TNK2: variants seen among roughly 807,000 people sequenced by gnomAD.
TNK2 encodes tyrosine kinase non receptor 2.
Under a neutral mutation model 101.8 loss-of-function variants are expected in TNK2, and 83 were observed. That is an observed-to-expected ratio of 0.82 (90% CI 0.68 to 0.98). TNK2 has a LOEUF of 0.98. Among genes scored for constraint, TNK2 ranks in the 50% least tolerant of loss-of-function variants. The probability of loss-of-function intolerance (pLI) is 0.00; values close to 1 mark genes in which losing one functional copy is unlikely to be tolerated. For synonymous variants in TNK2, 804 were observed against 633.0 expected, an observed-to-expected ratio of 1.27 and a Z score of -4.06; for missense variants, 1,665 against 1,483.2, an observed-to-expected ratio of 1.12 and a Z score of -2.01.
In TNK2 at chr3:195,864,154, C is replaced by T. The variant is rs922865457; in HGVS notation, c.*27G>A. ...GACAGGCTCAGGTGATTCCTTCAGG[C>T]AGGCCCTCTGGCTCTCCAGACGCAT... is the stretch of plus-strand genomic sequence containing the variant. On this transcript the variant is annotated 3_prime_UTR_variant, in exon 16 of 16. Transcript: ENST00000672887. 23 of 1,613,964 alleles carry T rather than the reference C, an allele frequency of 1.4e-5. No individual in the cohort carries two copies. The highest frequency in any genetic ancestry group is 6.8e-6 in the Non-Finnish European group (8 of 1,179,884).
chr3:195,902,692 G>T (rs1761338923), intron 1 of TNK2, among the ~76,000 whole-genome samples: 2 of 145,178 alleles, frequency 1.4e-5, no homozygotes, highest in African/African-American at 5.1e-5. Context: ...ATAAAAGAGA[G>T]CTTTTTGCAA....
At position 195,867,515 on chromosome 3, in the gene TNK2, G is replaced by A. The variant is rs1468955097; in HGVS notation, c.2783C>T (p.Pro928Leu). ...GGCCTTGGGGTCCAAGGCAGCCTGG[G>A]GCATCGGCCGCACGGTGGCCGTGGG... The part of the protein sequence containing the change: ...AAPTATVRPM[P>L]QAALDPKANF... Residue 928 changes from proline to leucine, a missense_variant, in exon 13 of 16, where the codon CCC becomes CTC. Around this residue, in one of 3 missense-constraint regions of TNK2, gnomAD observed 1,136 missense variants for 894.9 expected, o/e 1.27. Coordinates refer to ENST00000672887, the MANE Select transcript of TNK2 (RefSeq NM_001382273.1). The A allele has an allele frequency of 6.4e-7, 1 of 1,555,202 alleles. No homozygotes were observed. Among genetic ancestry groups the A allele is most frequent in the Non-Finnish European group, 8.6e-7 (1 of 1,158,784 alleles).
In TNK2 at chr3:195,878,425, C is replaced by T; in HGVS notation, c.1161+21G>A. 6.2e-7 allele frequency: 1 copy of T among 1,613,940 alleles called. No individual in the cohort carries two copies. Among genetic ancestry groups the T allele is most frequent in the Non-Finnish European group, 8.5e-7 (1 of 1,179,954 alleles). On this transcript the variant is annotated intron_variant, in intron 8 of 15. Coordinates refer to ENST00000672887, the MANE Select transcript of TNK2 (RefSeq NM_001382273.1). The surrounding 1 kb of genome is among the most constrained non-coding windows in gnomAD (Gnocchi z 4.7). ...CCTCAGCTTGAACACCCCAGCTCTC[C>T]TGGGCTGACCTGTCCCTCACCTCCA... is the stretch of plus-strand genomic sequence containing the variant.
Position 195,888,639 on chromosome 3 carries a change from TTG to T in TNK2, c.-18-35_-18-34del. ...GGGAGGAGTGGCTCAGGGACAAGGG[TTG>T]TGGGGGGACAACAGGGGCCTGCCCG... is the stretch of plus-strand genomic sequence containing the variant. On this transcript the variant is annotated intron_variant, in intron 1 of 15. Coordinates refer to ENST00000672887, the MANE Select transcript of TNK2 (RefSeq NM_001382273.1). The surrounding 1 kb of genome is among the most constrained non-coding windows in gnomAD (Gnocchi z 5.3). The T allele has an allele frequency of 6.3e-7, 1 of 1,580,226 alleles. No homozygotes were observed. Among genetic ancestry groups the T allele is most frequent in the Non-Finnish European group, 8.6e-7 (1 of 1,163,272 alleles).
At position 195,888,289 on chromosome 3, in the gene TNK2, G is replaced by A. The variant is rs112323386; in HGVS notation, c.163+137C>T. On this transcript the variant is annotated intron_variant, in intron 2 of 15. Transcript: ENST00000672887. The surrounding 1 kb of genome is among the most constrained non-coding windows in gnomAD (Gnocchi z 5.3). ...TGCCAACTGTTCTCATCACACATCA[G>A]CACCTACTGATGTCCCTCCTGCTCC... 3.4e-5 allele frequency: 30 copies of A among 876,124 alleles called. No homozygotes were observed. The highest frequency in any genetic ancestry group is 3.4e-4 in the African/African-American group (20 of 58,996). 54.3% of individuals were successfully genotyped at this position (876,124 alleles called of 1,614,324 possible).
In TNK2 at chr3:195,885,293, C is replaced by A; in HGVS notation, c.235-260G>T. 2.3e-6 allele frequency: 3 copies of A among 1,283,472 alleles called. No homozygotes were observed. The highest frequency in any genetic ancestry group is 3.1e-6 in the Non-Finnish European group (3 of 967,844). The allele number at this position is 1,283,472 out of a possible 1,614,324, so 79.5% of individuals were successfully genotyped here. On this transcript the variant is annotated intron_variant, in intron 3 of 15. Coordinates refer to ENST00000672887, the MANE Select transcript of TNK2 (RefSeq NM_001382273.1). This position sits in a 1 kb window ranked among gnomAD's most constrained non-coding sequence, Gnocchi z 4.7. ...GACAGGCATGCAGCCTGTGGCTGAGCGGCCCCACACCCAGCTGTGTGGAGA... is the reference window on the plus strand; with the variant it reads ...GACAGGCATGCAGCCTGTGGCTGAGAGGCCCCACACCCAGCTGTGTGGAGA...
At chr3:195,895,989 C>A (rs1369806860) in intron 1 of TNK2, 2 of 343,478 alleles carry the variant, frequency 5.8e-6, no homozygotes, top group Non-Finnish European at 5.6e-6. Context: ...GAGGCCCCCG[C>A]GGCCGGTTCC....
In TNK2 at chr3:195,868,700, T is replaced by C. The variant is rs1234330136; in HGVS notation, c.1598A>G (p.Tyr533Cys). ...GTCTTGGTCCTCGCTCACAGGGTCATAGGTTGGTTCTGTGATGGAAAGGGA... is the reference window on the plus strand; with the variant it reads ...GTCTTGGTCCTCGCTCACAGGGTCACAGGTTGGTTCTGTGATGGAAAGGGA... ...QPAFFTQKPT[Y>C]DPVSEDQDPL... The change falls in exon 13 of 16, where the codon TAT (tyrosine) becomes TGT (cysteine). Residue 533 changes from tyrosine to cysteine, a missense_variant. Physicochemically the swap from Tyr to Cys is radical, Grantham distance 194. Around this residue, in one of 3 missense-constraint regions of TNK2, gnomAD observed 1,136 missense variants for 894.9 expected, o/e 1.27. Transcript: ENST00000672887. 1.3e-6 allele frequency: 2 copies of C among 1,575,248 alleles called. No individual in the cohort carries two copies. The highest frequency in any genetic ancestry group is 1.7e-6 in the Non-Finnish European group (2 of 1,170,404).
chr3:195,892,617 G>A (rs1759037537), intron 1 of TNK2: 2 of 1,450,294 alleles, frequency 1.4e-6, no homozygotes, highest in South Asian at 2.8e-5. Context: ...AACGGGGTGG[G>A]CCCCTCCGCT....
At position 195,886,910 on chromosome 3, in the gene TNK2, G is replaced by T; in HGVS notation, c.234+67C>A. ...CCGGGGAGCTGGGGAAGGTTCCCAGGACCAGAAGCGGAGGGGGGCGTTCGA... is the reference window on the plus strand; with the variant it reads ...CCGGGGAGCTGGGGAAGGTTCCCAGTACCAGAAGCGGAGGGGGGCGTTCGA... On this transcript the variant is annotated intron_variant, in intron 3 of 15. Transcript: ENST00000672887. This position sits in a 1 kb window ranked among gnomAD's most constrained non-coding sequence, Gnocchi z 4.2. 6.4e-7 allele frequency: 1 copy of T among 1,565,498 alleles called. No homozygotes were observed. Among genetic ancestry groups the T allele is most frequent in the Non-Finnish European group, 8.8e-7 (1 of 1,135,686 alleles).
chr3:195,897,522 G>A (rs71321863), intron 1 of TNK2, among the ~76,000 whole-genome samples: 2,866 of 152,268 alleles, frequency 0.019, 54 homozygotes, highest in Non-Finnish European at 0.027. Flanking sequence ...TTGTTTGTTT[G>A]AGATAGGATC....
rs759204293 is a variant in TNK2 at position 195,867,531 on chromosome 3, T to C, written c.2767A>G (p.Thr923Ala). ...GCAGCCTGGGGCATCGGCCGCACGG[T>C]GGCCGTGGGGGCGGCGGGGGCTGGG... is the stretch of plus-strand genomic sequence containing the variant. Reference protein sequence around the residue: ...STPAPAAPTATVRPMPQAALD... With the variant: ...STPAPAAPTAAVRPMPQAALD... The change falls in exon 13 of 16, where the codon ACC becomes GCC. Residue 923 changes from threonine to alanine, a missense_variant. This residue lies in a region of TNK2 where 1,136 missense variants were observed against 894.9 expected (regional missense o/e 1.27). Coordinates refer to ENST00000672887, the MANE Select transcript of TNK2 (RefSeq NM_001382273.1). The C allele has an allele frequency of 1.2e-4, 141 of 1,168,112 alleles. No homozygotes were observed. In the South Asian group the frequency reaches 1.8e-3, roughly 15 times the overall value. The allele number at this position is 1,168,112 out of a possible 1,614,324, so 72.4% of individuals were successfully genotyped here. A position where few individuals can be genotyped will look rare whatever the true frequency, so the allele number is the denominator to read the frequency against.
chr3:195,883,236 T>G lies in TNK2; in HGVS notation c.530A>C (p.Glu177Ala). The G allele has an allele frequency of 6.2e-7, 1 of 1,612,118 alleles. No individual in the cohort carries two copies. Among genetic ancestry groups the G allele is most frequent in the South Asian group, 1.1e-5 (1 of 91,026 alleles). Residue 177 changes from glutamate to alanine, a missense_variant, in exon 5 of 16, where the codon GAG (glutamate) becomes GCG (alanine). By Grantham distance (107) the Glu-to-Ala change is moderately radical. This residue lies in a region of TNK2 where 490 missense variants were observed against 522.5 expected (regional missense o/e 0.94). Transcript: ENST00000672887. ...GTCGAGCGAGTGCATGGCATTGACC[T>G]CCCGGATGAAGTCGTCCATGGCTTC... ...QPEAMDDFIR[E>A]VNAMHSLDHR... is the part of the protein sequence containing the mutation.
chr3:195,885,306 A>C lies in TNK2; in HGVS notation c.235-273T>G. 1 of 1,334,952 alleles carries C rather than the reference A, an allele frequency of 7.5e-7. No homozygotes were observed. Among genetic ancestry groups the C allele is most frequent in the Non-Finnish European group, 9.9e-7 (1 of 1,013,568 alleles). The allele number at this position is 1,334,952 out of a possible 1,614,324, so 82.7% of individuals were successfully genotyped here. The stretch of plus-strand genomic sequence containing the variant: ...CCTGTGGCTGAGCGGCCCCACACCC[A>C]GCTGTGTGGAGAGGGAGGGCACCGC... On this transcript the variant is annotated intron_variant, in intron 3 of 15. Transcript: ENST00000672887. The surrounding 1 kb of genome is among the most constrained non-coding windows in gnomAD (Gnocchi z 4.7).
At chr3:195,880,890 C>T (rs1173761773) in intron 6 of TNK2, among the ~76,000 whole-genome samples, 2 of 58,304 alleles carry the variant, frequency 3.4e-5, no homozygotes, top group African/African-American at 8.4e-5. Flanking sequence ...CAGCAATGCC[C>T]CTTGGAGAGG....
chr3:195,869,661 G>A (rs558154347), intron 11 of TNK2, 120 bp from the exon 12 acceptor site: 14 of 1,023,746 alleles, frequency 1.4e-5, no homozygotes, highest in Admixed American at 4.0e-5. Flanking sequence ...GTGAATGGGG[G>A]CGAGTGAATG....
intron 12 of TNK2, 82 bp downstream of exon 12, chr3:195,869,415 C>T: frequency 6.8e-7 from 1 of 1,474,636 alleles, no homozygotes; most frequent in Non-Finnish European, 9.2e-7. Flanking sequence ...GCCCAGCCGC[C>T]CAGGCTCTGT....
intron 15 of TNK2, among the ~76,000 whole-genome samples, chr3:195,865,626 A>G (rs1395272074): frequency 1.4e-5 from 2 of 147,720 alleles, no homozygotes; most frequent in Non-Finnish European, 3.0e-5. Flanking sequence ...GCAAATCAGT[A>G]AGAACCACCC....
At position 195,891,945 on chromosome 3, in the gene TNK2, C is replaced by T. The variant is rs1014568321; in HGVS notation, c.-18-3339G>A. Reference sequence around the variant, plus strand: ...AGCTGTGCACTCCATGCTCCCTGACCCAGCAACAGCGCAGCTCTGCACAGG... The same window carrying T: ...AGCTGTGCACTCCATGCTCCCTGACTCAGCAACAGCGCAGCTCTGCACAGG... On this transcript the variant is annotated intron_variant, in intron 1 of 15. Coordinates refer to ENST00000672887, the MANE Select transcript of TNK2 (RefSeq NM_001382273.1). 2.0e-5 allele frequency: 20 copies of T among 990,338 alleles called. No homozygotes were observed. The African/African-American group carries it at 3.0e-4, about 15-fold the overall frequency. The allele number at this position is 990,338 out of a possible 1,614,324, so 61.3% of individuals were successfully genotyped here.
Sources: gnomAD v4.1 joint callset for allele counts (sites outside exome capture counted in the v4.1 genomes callset) on GRCh38, gnomAD v4.1.1 for gene constraint, gnomAD v4.1.1 regional missense constraint, Gnocchi (gnomAD v3.1) non-coding constraint, MANE v1.5 for transcripts, NCBI Gene and HGNC (gene_info 2026-07-23, HGNC 2026-07-21) for gene names.